The following SAMMSON variants were observed in gnomAD, a reference collection of about 807,000 sequenced individuals.
SAMMSON encodes long intergenic non-protein coding RNA 1212.
chr3:70,307,877 C>A (rs1026500622), intron 7 of SAMMSON, among the ~76,000 whole-genome samples: 1 of 152,160 alleles, frequency 6.6e-6, no homozygotes, highest in African/African-American at 2.4e-5. Flanking sequence ...AATAATCAGC[C>A]AATATGCCCA....
At chr3:70,092,442 A>G (rs1413712804) in intron 4 of SAMMSON, among the ~76,000 whole-genome samples, 4 of 52,870 alleles carry the variant, frequency 7.6e-5, no homozygotes, top group African/African-American at 3.1e-4. Context: ...GATCAAACTC[A>G]TGCTGTTTTT....
chr3:70,023,750 G>A (rs762378463), intron 3 of SAMMSON, among the ~76,000 whole-genome samples: 18 of 152,034 alleles, frequency 1.2e-4, no homozygotes, highest in Admixed American at 2.6e-4. Flanking sequence ...TCTCTATTTC[G>A]AGCTCTTGCC....
intron 4 of SAMMSON, among the ~76,000 whole-genome samples, chr3:70,145,886 A>T (rs1207462101): frequency 6.6e-6 from 1 of 151,928 alleles, no homozygotes; most frequent in Non-Finnish European, 1.5e-5. Flanking sequence ...AAATAAAATT[A>T]AAAAATAAAA....
chr3:70,232,402 C>T (rs1256214831), intron 4 of SAMMSON, among the ~76,000 whole-genome samples: 2 of 141,234 alleles, frequency 1.4e-5, no homozygotes, highest in Non-Finnish European at 1.6e-5. Flanking sequence ...GATGATGTTC[C>T]TATTTTTTTT....
At chr3:70,427,964 T>C (rs932834421) in intron 2 of SAMMSON, among the ~76,000 whole-genome samples, 9 of 152,102 alleles carry the variant, frequency 5.9e-5, no homozygotes, top group Non-Finnish European at 1.2e-4. Flanking sequence ...AGTCAGGAAA[T>C]GAAATTCTAA....
chr3:70,313,282 A>G (rs965948375), intron 7 of SAMMSON, among the ~76,000 whole-genome samples: 4 of 152,142 alleles, frequency 2.6e-5, no homozygotes, highest in African/African-American at 9.7e-5. Flanking sequence ...AGCCTGGGCA[A>G]CATAGTGAGA....
intron 6 of SAMMSON, among the ~76,000 whole-genome samples, chr3:70,265,028 C>T (rs1253817518): frequency 1.3e-5 from 2 of 152,164 alleles, no homozygotes; most frequent in African/African-American, 4.8e-5. Context: ...CTTTATAAAA[C>T]CATCAGATAT....
chr3:70,076,428 T>G (rs1456321107), intron 4 of SAMMSON, among the ~76,000 whole-genome samples: 1 of 152,192 alleles, frequency 6.6e-6, no homozygotes, highest in Admixed American at 6.5e-5. Flanking sequence ...CTAGCTTGTT[T>G]GCTAATTTTC....
chr3:70,250,254 A>G (rs1252406969), intron 6 of SAMMSON, among the ~76,000 whole-genome samples: 2 of 152,128 alleles, frequency 1.3e-5, no homozygotes, highest in African/African-American at 2.4e-5. Flanking sequence ...TGAAGCACCA[A>G]ATCTCTCACG....
At chr3:70,337,712 A>T (rs1702676354) in intron 7 of SAMMSON, among the ~76,000 whole-genome samples, 1 of 151,954 alleles carries the variant, frequency 6.6e-6, no homozygotes, top group Admixed American at 6.6e-5. Flanking sequence ...TTATAAATTG[A>T]TCATAAAAAT....
intron 4 of SAMMSON, among the ~76,000 whole-genome samples, chr3:70,086,250 C>T (rs369535058): frequency 1.3e-5 from 2 of 152,286 alleles, no homozygotes; most frequent in East Asian, 1.9e-4. Context: ...GGAGTTATAC[C>T]TGATAGCTCT....
At chr3:70,092,796 C>T (rs1033125525) in intron 4 of SAMMSON, among the ~76,000 whole-genome samples, 2 of 151,880 alleles carry the variant, frequency 1.3e-5, no homozygotes, top group African/African-American at 4.8e-5. Flanking sequence ...TAGATGTGAC[C>T]ATTACTCCTT....
chr3:70,024,466 C>G (rs1232584164), intron 3 of SAMMSON, among the ~76,000 whole-genome samples: 2 of 152,098 alleles, frequency 1.3e-5, no homozygotes, highest in African/African-American at 4.8e-5. Flanking sequence ...TCATCATATA[C>G]CACCAAATGA....
At chr3:70,200,049 T>C (rs1701223181) in intron 4 of SAMMSON, among the ~76,000 whole-genome samples, 1 of 152,178 alleles carries the variant, frequency 6.6e-6, no homozygotes, top group Non-Finnish European at 1.5e-5. Flanking sequence ...TTTGTCATTT[T>C]GCTTTTCCTC....
intron 4 of SAMMSON, among the ~76,000 whole-genome samples, chr3:70,104,764 G>C (rs1205824985): frequency 6.6e-6 from 1 of 152,100 alleles, no homozygotes; most frequent in Non-Finnish European, 1.5e-5. Flanking sequence ...CCTGGGGTGT[G>C]TATCTCTATG....
chr3:70,415,894 C>T (rs1701261194), intron 2 of SAMMSON, among the ~76,000 whole-genome samples: 1 of 152,112 alleles, frequency 6.6e-6, no homozygotes, highest in Non-Finnish European at 1.5e-5. Context: ...TTTTAGTTTA[C>T]ATTTCACATT....
intron 4 of SAMMSON, among the ~76,000 whole-genome samples, chr3:70,090,432 G>A (rs1441950800): frequency 2.0e-5 from 3 of 152,104 alleles, no homozygotes; most frequent in Non-Finnish European, 2.9e-5. Flanking sequence ...TCATAAAATC[G>A]ATATTCTGGT....
intron 6 of SAMMSON, among the ~76,000 whole-genome samples, chr3:70,280,086 G>T (rs930926705): frequency 2.0e-5 from 3 of 152,124 alleles, no homozygotes; most frequent in Non-Finnish European, 4.4e-5. Context: ...TCCCTCTGGA[G>T]CCTCTGGCAG....
intron 3 of SAMMSON, chr3:70,070,220 C>A (rs1194008531): frequency 1.3e-5 from 2 of 152,002 alleles, no homozygotes; most frequent in Non-Finnish European, 2.9e-5. Context: ...CCAGCTTCCT[C>A]CAAAGTTAAC....
Sources: allele counts gnomAD v4.1 joint callset (sites outside exome capture counted in the v4.1 genomes callset), GRCh38; gene constraint gnomAD v4.1.1; transcripts MANE v1.5; gene names NCBI Gene and HGNC (gene_info 2026-07-23, HGNC 2026-07-21).